The following TUBB3 variants were observed in gnomAD, a reference collection of about 807,000 sequenced individuals.
TUBB3 encodes the protein tubulin beta-3 chain.
A neutral mutation model predicts 37.8 loss-of-function variants in TUBB3; 17 were observed. The observed-to-expected ratio is 0.45, with a 90% CI of 0.31 to 0.67. The LOEUF (loss-of-function observed/expected upper bound fraction) is 0.67, where lower values mean the gene tolerates loss of function less well. Among genes scored for constraint, TUBB3 ranks in the 30% least tolerant of loss-of-function variants. The pLI is 0.07. For missense variants in TUBB3, 262 were observed against 657.9 expected (o/e 0.40, Z 6.58); for synonymous variants, 332 against 278.9 (o/e 1.19, Z -1.90).
intron 1 of TUBB3, among the ~76,000 whole-genome samples, chr16:89,924,828 C>T (rs2030017312): frequency 6.6e-6 from 1 of 151,958 alleles, no homozygotes; most frequent in Admixed American, 6.5e-5. Context: ...CCAGGACTCC[C>T]GGAGCAGCCT....
In TUBB3 at chr16:89,935,813, G is replaced by A. The variant is rs762736980; in HGVS notation, c.*9G>A. ...CCCAGGGCCCCAAGTGAAGCTGCTCGCAGCTGGAGTGAGAGGCAGGTGGCG... is the reference window on the plus strand; with the variant it reads ...CCCAGGGCCCCAAGTGAAGCTGCTCACAGCTGGAGTGAGAGGCAGGTGGCG... On this transcript the variant is annotated 3_prime_UTR_variant, in exon 4 of 4. Coordinates refer to ENST00000315491, the MANE Select transcript of TUBB3 (RefSeq NM_006086.4). The A allele has an allele frequency of 6.8e-6, 11 of 1,610,024 alleles. No homozygotes were observed. Among genetic ancestry groups the A allele is most frequent in the Admixed American group, 3.4e-5 (2 of 59,602 alleles).
chr16:89,935,844 G>C lies in TUBB3; in HGVS notation c.*40G>C. 2 of 1,589,600 alleles carry C rather than the reference G, an allele frequency of 1.3e-6. No individual in the cohort carries two copies. Among genetic ancestry groups the C allele is most frequent in the Non-Finnish European group, 1.7e-6 (2 of 1,167,598 alleles). Reference sequence around the variant, plus strand: ...GGAGTGAGAGGCAGGTGGCGGCCGGGGCCGAAGCCAGCAGTGTCTAAACCC... The same window carrying C: ...GGAGTGAGAGGCAGGTGGCGGCCGGCGCCGAAGCCAGCAGTGTCTAAACCC... On this transcript the variant is annotated 3_prime_UTR_variant, in exon 4 of 4. Transcript: ENST00000315491.
intron 1 of TUBB3, among the ~76,000 whole-genome samples, chr16:89,926,228 G>A (rs1299396024): frequency 1.3e-5 from 2 of 152,100 alleles, no homozygotes; most frequent in Non-Finnish European, 2.9e-5. Flanking sequence ...TCCTCCGCGC[G>A]GGCTGCGGCA....
At chr16:89,927,044 A>T (rs2030112746) in intron 1 of TUBB3, among the ~76,000 whole-genome samples, 1 of 151,966 alleles carries the variant, frequency 6.6e-6, no homozygotes, top group Admixed American at 6.6e-5. Context: ...TGATGTTAAC[A>T]ATTTAGTTTA....
Position 89,934,554 on chromosome 16 carries a change from C to G in TUBB3, c.278-175C>G, listed in dbSNP as rs75635769. The stretch of plus-strand genomic sequence containing the variant: ...CCTCGTCCTGAGCACTCAGCAGCAT[C>G]GGCTCAGGGAAGCCACGGCGGGTAT... On this transcript the variant is annotated intron_variant, in intron 3 of 3. Transcript: ENST00000315491. 0.023 allele frequency: 15,972 copies of G among 681,694 alleles called. 722 individuals are homozygous for G. The highest frequency in any genetic ancestry group is 0.14 in the South Asian group (7,897 of 57,758). 42.2% of individuals were successfully genotyped at this position (681,694 alleles called of 1,614,324 possible). A position where few individuals can be genotyped will look rare whatever the true frequency, so the allele number is the denominator to read the frequency against.
chr16:89,934,702 TC>T, intron 3 of TUBB3, 26 bp from the exon 4 acceptor site: 1 of 1,610,900 alleles, frequency 6.2e-7, no homozygotes, highest in East Asian at 2.2e-5. Flanking sequence ...CTGGCCCCTG[TC>T]TCTTACCCCT....
Position 89,935,767 on chromosome 16 carries a change from A to G in TUBB3, c.1316A>G (p.Asp439Gly). ...TAEEEGEMYEDDEEESEAQGP... is the reference protein window; with the variant it reads ...TAEEEGEMYEGDEEESEAQGP... ...GAGGAAGAGGGCGAGATGTACGAAG[A>G]CGACGAGGAGGAGTCGGAGGCCCAG... The change falls in exon 4 of 4, where the codon GAC becomes GGC. Residue 439 changes from aspartate (D) to glycine (G), a missense_variant. Coordinates refer to ENST00000315491, the MANE Select transcript of TUBB3 (RefSeq NM_006086.4). 1 of 1,613,850 alleles carries G rather than the reference A, an allele frequency of 6.2e-7. No individual in the cohort carries two copies. Among genetic ancestry groups the G allele is most frequent in the Non-Finnish European group, 8.5e-7 (1 of 1,179,944 alleles).
At position 89,935,735 on chromosome 16, in the gene TUBB3, C is replaced by T; in HGVS notation, c.1284C>T (p.Ala428=). 6.2e-7 allele frequency: 1 copy of T among 1,613,938 alleles called. No individual in the cohort carries two copies. Among genetic ancestry groups the T allele is most frequent in the Non-Finnish European group, 8.5e-7 (1 of 1,179,948 alleles). Residue 428 remains alanine (A), a synonymous_variant, in exon 4 of 4, where the codon GCC becomes GCT. Coordinates refer to ENST00000315491, the MANE Select transcript of TUBB3 (RefSeq NM_006086.4). ...LVSEYQQYQD[A]TAEEEGEMYE... ...CCGAGTACCAGCAGTACCAGGACGC[C>T]ACGGCCGAGGAAGAGGGCGAGATGT...
chr16:89,926,358 C>T (rs968774029), intron 1 of TUBB3, among the ~76,000 whole-genome samples: 3 of 152,246 alleles, frequency 2.0e-5, no homozygotes, highest in African/African-American at 7.2e-5. Context: ...AGCCGCGGGC[C>T]GGGCGGGAAC....
chr16:89,934,701 G>A lies in TUBB3; in HGVS notation c.278-28G>A, dbSNP rs778174207. ...CTGGACTGCAGAGTCCCTGGCCCCTGTCTCTTACCCCTCTTCTCCCTGTAC... is the reference window on the plus strand; with the variant it reads ...CTGGACTGCAGAGTCCCTGGCCCCTATCTCTTACCCCTCTTCTCCCTGTAC... On this transcript the variant is annotated intron_variant, in intron 3 of 3. Transcript: ENST00000315491. 7.4e-6 allele frequency: 12 copies of A among 1,610,834 alleles called. No individual in the cohort carries two copies. The South Asian group carries it at 1.3e-4, about 18-fold the overall frequency.
At position 89,935,192 on chromosome 16, in the gene TUBB3, C is replaced by T. The variant is rs138498822; in HGVS notation, c.741C>T (p.Asn247=). The part of the protein sequence containing the change: ...TTSLRFPGQL[N]ADLRKLAVNM... ...CCTTGCGCTTCCCGGGCCAGCTCAA[C>T]GCTGACCTGCGCAAGCTGGCCGTCA... The change falls in exon 4 of 4, where the codon AAC becomes AAT. Residue 247 remains asparagine (N), a synonymous_variant. Transcript: ENST00000315491. 6.9e-5 allele frequency: 112 copies of T among 1,613,830 alleles called. No homozygotes were observed. Among genetic ancestry groups the T allele is most frequent in the Non-Finnish European group, 8.5e-5 (100 of 1,180,042 alleles).
In TUBB3 at chr16:89,935,693, C is replaced by T; in HGVS notation, c.1242C>T (p.Asn414=). The part of the protein sequence containing the change: ...DEMEFTEAES[N]MNDLVSEYQQ... ...TGGAGTTCACCGAGGCCGAGAGCAA[C>T]ATGAACGACCTGGTGTCCGAGTACC... Residue 414 remains asparagine, a synonymous_variant, in exon 4 of 4, where the codon AAC becomes AAT. Coordinates refer to ENST00000315491, the MANE Select transcript of TUBB3 (RefSeq NM_006086.4). The T allele has an allele frequency of 6.2e-7, 1 of 1,613,878 alleles. No individual in the cohort carries two copies. The highest frequency in any genetic ancestry group is 8.5e-7 in the Non-Finnish European group (1 of 1,179,898).
At chr16:89,926,327 T>C (rs1314477878) in intron 1 of TUBB3, among the ~76,000 whole-genome samples, 1 of 152,154 alleles carries the variant, frequency 6.6e-6, no homozygotes, top group Non-Finnish European at 1.5e-5. Context: ...CGCCCCGCCC[T>C]CTCGCCTGAA....
At chr16:89,931,173 C>T (rs1385813895) in intron 1 of TUBB3, among the ~76,000 whole-genome samples, 3 of 152,142 alleles carry the variant, frequency 2.0e-5, no homozygotes, top group Admixed American at 1.3e-4. Context: ...CATTCCAAAG[C>T]GCATCTTTGT....
At chr16:89,923,191 T>G, upstream of TUBB3, 1 of 205,542 alleles carries the variant, frequency 4.9e-6, no homozygotes, top group Non-Finnish European at 9.5e-6. Flanking sequence ...GGGCGCCGCA[T>G]TGCGCGCGGC....
chr16:89,931,387 A>G (rs1597422414), intron 1 of TUBB3, among the ~76,000 whole-genome samples: 1 of 152,236 alleles, frequency 6.6e-6, no homozygotes, highest in East Asian at 1.9e-4. Flanking sequence ...CCTGAGGAGT[A>G]AGGGCAAGGG....
intron 1 of TUBB3, among the ~76,000 whole-genome samples, chr16:89,932,335 C>G (rs1030986811): frequency 6.6e-6 from 1 of 152,214 alleles, no homozygotes; most frequent in Non-Finnish European, 1.5e-5. Context: ...GTCTGTTGAA[C>G]CTTGGCCCAC....
intron 1 of TUBB3, among the ~76,000 whole-genome samples, chr16:89,924,860 T>C (rs1411163827): frequency 6.7e-6 from 1 of 149,048 alleles, no homozygotes; most frequent in Non-Finnish European, 1.5e-5. Flanking sequence ...CTTGGCCTGA[T>C]GGGAGGGGCT....
chr16:89,924,286 G>A (rs1023066558), intron 1 of TUBB3, among the ~76,000 whole-genome samples: 2 of 152,356 alleles, frequency 1.3e-5, no homozygotes, highest in South Asian at 2.1e-4. Flanking sequence ...AGGGGACGTC[G>A]TGTCCCCTGG....
Sources: allele counts gnomAD v4.1 joint callset (sites outside exome capture counted in the v4.1 genomes callset), GRCh38; gene constraint gnomAD v4.1.1; transcripts MANE v1.5; gene names NCBI Gene and HGNC (gene_info 2026-07-23, HGNC 2026-07-21).